The following CFAP46 variants were observed in gnomAD, a reference collection of about 807,000 sequenced individuals.
CFAP46 encodes cilia- and flagella-associated protein 46.
A neutral mutation model predicts 325.7 loss-of-function variants in CFAP46; 245 were observed. The observed-to-expected ratio is 0.75, with a 90% CI of 0.68 to 0.84. The LOEUF is 0.84. Ranked by LOEUF, CFAP46 falls within the 40% of genes least tolerant of loss-of-function variation. The pLI is 0.00. For missense variants in CFAP46, 3,346 were observed against 3,543.0 expected (o/e 0.94, Z 1.41); for synonymous variants, 1,523 against 1,495.9 (o/e 1.02, Z -0.42).
At chr10:132,837,021 C>A in intron 44 of CFAP46, 107 bp from the exon 45 acceptor site, 1 of 851,144 alleles carries the variant, frequency 1.2e-6, no homozygotes, top group Admixed American at 2.0e-5. Context: ...ACGGCGGGGG[C>A]TTTGTACCCT....
intron 44 of CFAP46, among the ~76,000 whole-genome samples, chr10:132,841,186 G>A (rs559654940): frequency 2.0e-5 from 3 of 152,178 alleles, no homozygotes; most frequent in Admixed American, 6.5e-5. Flanking sequence ...TCAAAAGTCC[G>A]AAGTTCAGTC....
chr10:132,918,616 TC>T (rs1308360725), intron 15 of CFAP46, 96 bp from the exon 16 acceptor site: 2 of 1,404,098 alleles, frequency 1.4e-6, no homozygotes, highest in Non-Finnish European at 1.9e-6. Flanking sequence ...CCTGAGCCTC[TC>T]CCCAGCTCCG....
rs866820123 is a variant in CFAP46, at chr10:132,824,486, C to T, written c.7117+8872G>A. 9.6e-3 allele frequency among the ~76,000 whole-genome samples: 638 copies of T among 66,432 alleles called. 4 individuals carry two copies. The highest frequency in any genetic ancestry group is 0.019 in the Middle Eastern group (1 of 54). The allele number at this position is 66,432 out of a possible 152,430, so 43.6% of individuals were successfully genotyped here. Reference sequence around the variant, plus strand: ...TGATGTGTGCTGTGTGTGCTGTGTGCGCTGTGTGCTGTGTGCTGATGTGTG... The same window carrying T: ...TGATGTGTGCTGTGTGTGCTGTGTGTGCTGTGTGCTGTGTGCTGATGTGTG... On this transcript the variant is annotated intron_variant, in intron 50 of 57. Transcript: ENST00000368586.
intron 44 of CFAP46, among the ~76,000 whole-genome samples, chr10:132,837,361 G>A (rs1285895604): frequency 1.3e-5 from 2 of 151,884 alleles, no homozygotes; most frequent in African/African-American, 4.8e-5. Context: ...ACGCACTCAC[G>A]CAGACAGGCA....
At chr10:132,878,810 ACT>A (rs1489914444) in intron 29 of CFAP46, among the ~76,000 whole-genome samples, 2 of 152,000 alleles carry the variant, frequency 1.3e-5, no homozygotes, top group Non-Finnish European at 2.9e-5. Context: ...CTCCGGGCAA[ACT>A]CATCCTCAGA....
intron 24 of CFAP46, among the ~76,000 whole-genome samples, 181 bp from the exon 25 acceptor site, chr10:132,892,598 C>T (rs1849269500): frequency 1.3e-5 from 2 of 152,316 alleles, no homozygotes; most frequent in South Asian, 2.1e-4. Flanking sequence ...AATTCTAAAG[C>T]TTAACAATCT....
rs1203078672 is a variant in CFAP46 at position 132,922,628 on chromosome 10, G to A, written c.1337C>T (p.Thr446Met). ...EEDEDRLEPA[T>M]EHLRKAARLD... ...GCGCGCGGCTTTCCGGAGGTGCTCCGTGGCGGGCTCCAGCCGGTCCTCGTC... is the reference window on the plus strand; with the variant it reads ...GCGCGCGGCTTTCCGGAGGTGCTCCATGGCGGGCTCCAGCCGGTCCTCGTC... Residue 446 changes from threonine to methionine, a missense_variant, in exon 12 of 58, where the codon ACG becomes ATG. Physicochemically the swap from Thr to Met is moderately conservative, Grantham distance 81. Transcript: ENST00000368586. The A allele has an allele frequency of 1.0e-5, 16 of 1,549,768 alleles. No individual in the cohort carries two copies. Among genetic ancestry groups the A allele is most frequent in the East Asian group, 4.9e-5 (2 of 40,918 alleles).
At chr10:132,901,123 G>A (rs149661942) in intron 22 of CFAP46, among the ~76,000 whole-genome samples, 3 of 152,180 alleles carry the variant, frequency 2.0e-5, no homozygotes, top group African/African-American at 4.8e-5. Flanking sequence ...AGGGTCTCCC[G>A]TACGTAGTTT....
At position 132,908,992 on chromosome 10, in the gene CFAP46, G is replaced by A. The variant is rs997222742; in HGVS notation, c.2757+145C>T. On this transcript the variant is annotated intron_variant, in intron 21 of 57. Transcript: ENST00000368586. Reference sequence around the variant, plus strand: ...GCTGAAGGAAGTGCGTCGAGGGGGCGCAGCTCCGTTGGGAGGTGGGGGAGA... The same window carrying A: ...GCTGAAGGAAGTGCGTCGAGGGGGCACAGCTCCGTTGGGAGGTGGGGGAGA... 5.7e-5 allele frequency: 36 copies of A among 636,608 alleles called. No homozygotes were observed. The Middle Eastern group carries it at 1.3e-3, about 22-fold the overall frequency. 39.4% of individuals were successfully genotyped at this position (636,608 alleles called of 1,614,324 possible).
Position 132,834,066 on chromosome 10 carries a change from C to T in CFAP46, c.6924G>A (p.Glu2308=). The T allele has an allele frequency of 1.9e-6, 3 of 1,614,114 alleles. No individual in the cohort carries two copies. The South Asian group carries it at 3.3e-5, about 18-fold the overall frequency. ...TGTGTTGTCCTGTGGACGTTTTCCTCTCCTTGTCTTTGCCCTTCGACTTCC... is the reference window on the plus strand; with the variant it reads ...TGTGTTGTCCTGTGGACGTTTTCCTTTCCTTGTCTTTGCCCTTCGACTTCC... ...DSGKSKGKDK[E]RKTSTGQHST... Residue 2308 remains glutamate (E), a synonymous_variant, in exon 49 of 58, where the codon GAG becomes GAA. Coordinates refer to ENST00000368586, the MANE Select transcript of CFAP46 (RefSeq NM_001200049.3).
At position 132,859,238 on chromosome 10, in the gene CFAP46, G is replaced by C. The variant is rs1289978541; in HGVS notation, c.5208C>G (p.Ser1736Arg). 6.5e-7 allele frequency: 1 copy of C among 1,548,454 alleles called. No homozygotes were observed. Among genetic ancestry groups the C allele is most frequent in the South Asian group, 1.2e-5 (1 of 84,018 alleles). ...MITDLEARCL[S>R]LRVRVAQHSA... The stretch of plus-strand genomic sequence containing the variant: ...AGTGCTGCGCAACTCTGACCCGCAG[G>C]CTCAGGCACCTGACGGAGGGACGGT... Residue 1736 changes from serine to arginine, a missense_variant, in exon 38 of 58, where the codon AGC (serine) becomes AGG (arginine). By Grantham distance (110) the Ser-to-Arg change is moderately radical. Coordinates refer to ENST00000368586, the MANE Select transcript of CFAP46 (RefSeq NM_001200049.3).
chr10:132,940,150 C>T (rs1287555463), intron 4 of CFAP46, among the ~76,000 whole-genome samples: 3 of 152,150 alleles, frequency 2.0e-5, no homozygotes, highest in Non-Finnish European at 4.4e-5. Context: ...TGGGGCTGGG[C>T]CCTACATCCC....
chr10:132,814,782 C>A, intron 51 of CFAP46, 36 bp from the exon 52 acceptor site: 1 of 1,613,500 alleles, frequency 6.2e-7, no homozygotes, highest in African/African-American at 1.3e-5. Flanking sequence ...GGTGCAGGGG[C>A]CAGGAGCCTG....
intron 48 of CFAP46, 86 bp from the exon 49 acceptor site, chr10:132,834,209 C>T: frequency 7.9e-7 from 1 of 1,270,078 alleles, no homozygotes; most frequent in Non-Finnish European, 1.1e-6. Context: ...GCCTGTTTCA[C>T]TCTAAGGCAG....
rs571038684 is a variant in CFAP46 at position 132,849,821 on chromosome 10, G to A, written c.5952+423C>T. Among the ~76,000 whole-genome samples the A allele has an allele frequency of 5.9e-5, 9 of 152,316 alleles. No individual in the cohort carries two copies. The South Asian group carries it at 1.2e-3, about 21-fold the overall frequency. Reference sequence around the variant, plus strand: ...CACTGGCATGGGGGCCACGGCGCCCGGTGCTCAGGCCCACCCTAGGCCGCT... The same window carrying A: ...CACTGGCATGGGGGCCACGGCGCCCAGTGCTCAGGCCCACCCTAGGCCGCT... On this transcript the variant is annotated intron_variant, in intron 41 of 57. Transcript: ENST00000368586.
At position 132,860,989 on chromosome 10, in the gene CFAP46, G is replaced by T; in HGVS notation, c.4891-7C>A. ...CACAAGGCTCATCCAGCTCCTGAAG[G>T]AGAGAAACTCAGACATGCTTGGGTT... On this transcript the variant is annotated splice_polypyrimidine_tract_variant and splice_region_variant and intron_variant, in intron 35 of 57. Coordinates refer to ENST00000368586, the MANE Select transcript of CFAP46 (RefSeq NM_001200049.3). 1 of 1,550,450 alleles carries T rather than the reference G, an allele frequency of 6.4e-7. No individual in the cohort carries two copies. The highest frequency in any genetic ancestry group is 1.2e-5 in the South Asian group (1 of 84,042).
intron 12 of CFAP46, 58 bp downstream of exon 12, chr10:132,922,422 C>A: frequency 7.0e-7 from 1 of 1,437,974 alleles, no homozygotes; most frequent in Non-Finnish European, 9.3e-7. Context: ...CAGAGCCCCG[C>A]CCCGGCCCCA....
At chr10:132,810,522 G>A (rs938974367) in intron 56 of CFAP46, 33 bp from the exon 57 acceptor site, 1 of 1,596,742 alleles carries the variant, frequency 6.3e-7, no homozygotes, top group Non-Finnish European at 8.6e-7. Context: ...GGAGGGCATG[G>A]ACACCCTGGC....
chr10:132,821,948 CGCTTGTGTGT>C (rs1219560597), intron 50 of CFAP46, among the ~76,000 whole-genome samples: 2 of 90,378 alleles, frequency 2.2e-5, no homozygotes, highest in African/African-American at 9.3e-5. Flanking sequence ...GCTGTGTGTG[CGCTTGTGTGT>C]GCTGTGTGTG....
Sources: allele counts gnomAD v4.1 joint callset (sites outside exome capture counted in the v4.1 genomes callset), GRCh38; gene constraint gnomAD v4.1.1; transcripts MANE v1.5; gene names NCBI Gene and HGNC (gene_info 2026-07-23, HGNC 2026-07-21).